Variants in ERICH1 observed in about 807,000 individuals in gnomAD.
ERICH1 encodes glutamate-rich protein 1.
A neutral mutation model predicts 39.6 loss-of-function variants in ERICH1; 56 were observed. That is an observed-to-expected ratio of 1.41 (90% CI 1.14 to 1.77). The LOEUF is 1.77. Ranked by LOEUF, ERICH1 falls within the 40% of genes most tolerant of loss-of-function variation. The pLI, the probability that ERICH1 is intolerant of heterozygous loss-of-function variation, is 0.00. For synonymous variants in ERICH1, 313 were observed against 223.6 expected (o/e 1.40, Z -3.57); for missense variants, 826 against 575.4 (o/e 1.44, Z -4.45).
At position 630,121 on chromosome 8, in the gene ERICH1, CCACA is replaced by C. The variant is rs1253909427; in HGVS notation, c.977-14841_977-14838del. Among the ~76,000 whole-genome samples, 326 of 112,280 alleles carry C rather than the reference CCACA, an allele frequency of 2.9e-3. 10 individuals carry two copies. In the Admixed American group the frequency reaches 0.031, roughly 11 times the overall value. 73.7% of individuals were successfully genotyped at this position (112,280 alleles called of 152,430 possible). ...CTGACTCACACCCTCCCGTGAGCACCCACACAGACAGAGCTGACTCACACCCTCC... is the reference window on the plus strand; with the variant it reads ...CTGACTCACACCCTCCCGTGAGCACCCAGACAGAGCTGACTCACACCCTCC... On this transcript the variant is annotated intron_variant, in intron 3 of 3. Coordinates refer to the ERICH1 transcript ENST00000522706.
chr8:705,792 T>C (rs1029634260), intron 2 of ERICH1, among the ~76,000 whole-genome samples: 11 of 152,188 alleles, frequency 7.2e-5, no homozygotes, highest in African/African-American at 2.2e-4. Context: ...AAATCACAGA[T>C]GACAGCATCT....
intron 3 of ERICH1, among the ~76,000 whole-genome samples, chr8:630,495 G>A (rs113079942): frequency 4.3e-5 from 5 of 116,176 alleles, no homozygotes; most frequent in African/African-American, 1.4e-4. Context: ...ACCCTCCTGT[G>A]ACCACCCACA....
At chr8:718,607 T>C (rs1183830656) in intron 1 of ERICH1, among the ~76,000 whole-genome samples, 3 of 152,220 alleles carry the variant, frequency 2.0e-5, no homozygotes, top group Non-Finnish European at 4.4e-5. Context: ...GAGTGACAGC[T>C]GACAGGGGTT....
At chr8:704,751 C>G (rs541295751) in intron 2 of ERICH1, among the ~76,000 whole-genome samples, 9 of 152,124 alleles carry the variant, frequency 5.9e-5, no homozygotes, top group African/African-American at 2.2e-4. Flanking sequence ...CCTTCCCTCC[C>G]TGCCAAAAAA....
At chr8:702,861 G>A (rs1812466056) in intron 2 of ERICH1, among the ~76,000 whole-genome samples, 1 of 152,208 alleles carries the variant, frequency 6.6e-6, no homozygotes, top group Non-Finnish European at 1.5e-5. Flanking sequence ...GGAACCAGAT[G>A]GAAGCCTGTC....
At chr8:637,822 C>A (rs964918543) in intron 3 of ERICH1, among the ~76,000 whole-genome samples, 1 of 152,232 alleles carries the variant, frequency 6.6e-6, no homozygotes, top group Non-Finnish European at 1.5e-5. Context: ...GACGTCCAGA[C>A]CCCGCTGTAG....
chr8:644,205 G>A (rs1355808520), intron 3 of ERICH1, among the ~76,000 whole-genome samples: 3 of 152,168 alleles, frequency 2.0e-5, no homozygotes, highest in Non-Finnish European at 1.5e-5. Flanking sequence ...TAAGGCAAGC[G>A]CCTGGCCTCC....
intron 2 of ERICH1, among the ~76,000 whole-genome samples, chr8:710,852 A>C (rs1814571351): frequency 6.6e-6 from 1 of 152,226 alleles, no homozygotes; most frequent in African/African-American, 2.4e-5. Context: ...GTGCAGGTTT[A>C]TTGACGTTTT....
intron 3 of ERICH1, 119 bp from the exon 4 acceptor site, chr8:674,166 T>C (rs1804122916): frequency 8.6e-7 from 1 of 1,167,964 alleles, no homozygotes; most frequent in Non-Finnish European, 1.2e-6. Flanking sequence ...GTTTACACTA[T>C]TTACTTCGGT....
At chr8:682,712 T>C (rs946052860) in intron 3 of ERICH1, among the ~76,000 whole-genome samples, 1 of 152,224 alleles carries the variant, frequency 6.6e-6, no homozygotes, top group African/African-American at 2.4e-5. Flanking sequence ...CTGCTACTAT[T>C]TGACACCTAC....
intron 4 of ERICH1, among the ~76,000 whole-genome samples, chr8:669,743 G>A (rs1442178017): frequency 6.6e-6 from 1 of 152,248 alleles, no homozygotes; most frequent in Non-Finnish European, 1.5e-5. Context: ...GAATCAGACT[G>A]TGGCTGTTTA....
intron 3 of ERICH1, among the ~76,000 whole-genome samples, chr8:684,337 T>A (rs1806817923): frequency 6.6e-6 from 1 of 152,124 alleles, no homozygotes; most frequent in East Asian, 1.9e-4. Flanking sequence ...AGCCATTGAA[T>A]TATTCAATAA....
chr8:642,272 C>G (rs1241393270), intron 3 of ERICH1, among the ~76,000 whole-genome samples: 1 of 149,890 alleles, frequency 6.7e-6, no homozygotes, highest in African/African-American at 2.5e-5. Context: ...TTGCTTTGCT[C>G]TCATTCATTT....
rs143050623 is a variant in ERICH1, at chr8:673,647, C to G, written c.705G>C (p.Ala235=). Residue 235 remains alanine, a synonymous_variant, in exon 4 of 6, where the codon GCG becomes GCC. Transcript: ENST00000262109. ...GTGTCAGGTCTTCCTCGCTAGCGTC[C>G]GCACCATCTTCCTCCCTGGTATCTT... ...DVKDTREEDG[A]DASEEDLTRA... 1 of 1,612,832 alleles carries G rather than the reference C, an allele frequency of 6.2e-7. No homozygotes were observed. Among genetic ancestry groups the G allele is most frequent in the Non-Finnish European group, 8.5e-7 (1 of 1,179,628 alleles).
In ERICH1 at chr8:673,488, T is replaced by G; in HGVS notation, c.864A>C (p.Glu288Asp). ...CCTCCTCCCTGGTGTCTTTACCGTCTTCCTCCCCGGCCCGTGTCAGGTCTT... is the reference window on the plus strand; with the variant it reads ...CCTCCTCCCTGGTGTCTTTACCGTCGTCCTCCCCGGCCCGTGTCAGGTCTT... ...IEEDLTRAGE[E>D]DGKDTREEDG... The change falls in exon 4 of 6, where the codon GAA becomes GAC. Residue 288 changes from glutamate (E) to aspartate (D), a missense_variant. Physicochemically the swap from Glu to Asp is conservative, Grantham distance 45 (BLOSUM62 2). Coordinates refer to ENST00000262109, the MANE Select transcript of ERICH1 (RefSeq NM_207332.3). 6.2e-7 allele frequency: 1 copy of G among 1,613,194 alleles called. No homozygotes were observed. The highest frequency in any genetic ancestry group is 8.5e-7 in the Non-Finnish European group (1 of 1,179,692).
chr8:726,798 G>A (rs898633346), intron 1 of ERICH1, among the ~76,000 whole-genome samples: 3 of 150,334 alleles, frequency 2.0e-5, no homozygotes, highest in Non-Finnish European at 4.4e-5. Context: ...CATGAACATG[G>A]ACACATGGAC....
chr8:672,572 T>C (rs554349501), intron 4 of ERICH1, among the ~76,000 whole-genome samples: 2 of 152,220 alleles, frequency 1.3e-5, no homozygotes, highest in Non-Finnish European at 2.9e-5. Flanking sequence ...AAAAGACACC[T>C]ATACCCACAA....
intron 1 of ERICH1, among the ~76,000 whole-genome samples, chr8:729,208 C>T (rs575929834): frequency 2.6e-5 from 4 of 152,338 alleles, no homozygotes; most frequent in South Asian, 2.1e-4. Flanking sequence ...GAATAAACGA[C>T]GCCAAGTCAG....
At chr8:672,634 G>A (rs1037393) in intron 4 of ERICH1, among the ~76,000 whole-genome samples, 3 of 152,116 alleles carry the variant, frequency 2.0e-5, no homozygotes, top group Non-Finnish European at 4.4e-5. Context: ...GGAAGCCAGC[G>A]CACGGTGAGT....
Sources: allele counts gnomAD v4.1 joint callset (sites outside exome capture counted in the v4.1 genomes callset), GRCh38; gene constraint gnomAD v4.1.1; transcripts MANE v1.5; gene names NCBI Gene and HGNC (gene_info 2026-07-23, HGNC 2026-07-21).